Variants in ETNK1 observed in about 807,000 individuals in gnomAD.
ETNK1 encodes the protein putative protein product of Nbla10396.
A neutral mutation model predicts 45.1 loss-of-function variants in ETNK1; 8 were observed. That is an observed-to-expected ratio of 0.18 (90% CI 0.10 to 0.32). The LOEUF is 0.32. ETNK1 is among the 10% of genes least tolerant of loss of function. ETNK1 has a pLI of 1.00. For synonymous variants in ETNK1, 152 were observed against 151.9 expected (o/e 1.00, Z -0.01); for missense variants, 302 against 430.6 (o/e 0.70, Z 2.64).
At chr12:22,660,708 G>A (rs1479483379) in intron 3 of ETNK1, among the ~76,000 whole-genome samples, 2 of 151,804 alleles carry the variant, frequency 1.3e-5, no homozygotes, top group Non-Finnish European at 2.9e-5. Context: ...TTTATTAAAT[G>A]CTTTGTGTCT....
chr12:22,674,722 C>T (rs1046552236), intron 6 of ETNK1, among the ~76,000 whole-genome samples: 1 of 152,170 alleles, frequency 6.6e-6, no homozygotes, highest in African/African-American at 2.4e-5. Flanking sequence ...GTACACATAG[C>T]TCATCAATTC....
chr12:22,642,958 T>C (rs546126584), intron 1 of ETNK1, among the ~76,000 whole-genome samples: 1 of 152,132 alleles, frequency 6.6e-6, no homozygotes, highest in African/African-American at 2.4e-5. Flanking sequence ...CCGTCTGTGC[T>C]CAAATCTAAA....
Position 22,673,482 on chromosome 12 carries a change from G to T in ETNK1, c.785-18G>T. 6.5e-7 allele frequency: 1 copy of T among 1,541,648 alleles called. No homozygotes were observed. The highest frequency in any genetic ancestry group is 1.4e-5 in the African/African-American group (1 of 72,810). On this transcript the variant is annotated intron_variant, in intron 5 of 7. Transcript: ENST00000266517. ...TTATGTTTTAAAATTTTTGAGTGTA[G>T]TTTTTTTTCTTCTAAAGGTGTGAGT...
chr12:22,669,206 T>C (rs1014926852), intron 4 of ETNK1, among the ~76,000 whole-genome samples: 3 of 151,872 alleles, frequency 2.0e-5, no homozygotes, highest in African/African-American at 7.3e-5. Context: ...TAGGTATCTC[T>C]GAAATCATTG....
intron 1 of ETNK1, among the ~76,000 whole-genome samples, chr12:22,632,175 G>T (rs1953589163): frequency 6.6e-6 from 1 of 151,290 alleles, no homozygotes; most frequent in Non-Finnish European, 1.5e-5. Flanking sequence ...GAAGGTCTTT[G>T]TACAGGAAAC....
chr12:22,639,632 G>A (rs921731619), intron 1 of ETNK1, among the ~76,000 whole-genome samples: 5 of 151,742 alleles, frequency 3.3e-5, no homozygotes, highest in Admixed American at 2.6e-4. Context: ...AGCCGAGATC[G>A]TGCCACTTCA....
intron 4 of ETNK1, among the ~76,000 whole-genome samples, chr12:22,668,766 C>T (rs1954078739): frequency 6.6e-6 from 1 of 152,018 alleles, no homozygotes; most frequent in Admixed American, 6.5e-5. Context: ...TATTTATAAA[C>T]TCAACATAGC....
chr12:22,648,297 G>A (rs1391932766), intron 2 of ETNK1, among the ~76,000 whole-genome samples: 2 of 151,894 alleles, frequency 1.3e-5, no homozygotes. Context: ...AATATATAAT[G>A]CATGTATCCA....
At chr12:22,675,077 T>G (rs1954147015) in intron 6 of ETNK1, among the ~76,000 whole-genome samples, 1 of 152,198 alleles carries the variant, frequency 6.6e-6, no homozygotes, top group South Asian at 2.1e-4. Flanking sequence ...TTTACTTTTA[T>G]TTTTATTTTG....
chr12:22,668,957 A>G (rs1954080281), intron 4 of ETNK1, among the ~76,000 whole-genome samples: 1 of 152,210 alleles, frequency 6.6e-6, no homozygotes, highest in Non-Finnish European at 1.5e-5. Flanking sequence ...CAAATTCTAA[A>G]TATAATTTTG....
chr12:22,635,539 C>G (rs1211000151), intron 1 of ETNK1, among the ~76,000 whole-genome samples: 4 of 152,162 alleles, frequency 2.6e-5, no homozygotes, highest in Admixed American at 1.3e-4. Context: ...ACTTCTACTC[C>G]TGATATTAGG....
chr12:22,684,262 T>G (rs1478104910), intron 6 of ETNK1, among the ~76,000 whole-genome samples: 2 of 152,102 alleles, frequency 1.3e-5, no homozygotes, highest in East Asian at 3.8e-4. Context: ...TTCAAGTGAT[T>G]ATAATTTACC....
chr12:22,687,363 G>A lies in ETNK1; in HGVS notation c.*2409G>A, dbSNP rs907664263. On this transcript the variant is annotated 3_prime_UTR_variant, in exon 8 of 8. Coordinates refer to ENST00000266517, the MANE Select transcript of ETNK1 (RefSeq NM_018638.5). ...TGTCCTGTGGTGTGCTAAGATGTCT[G>A]TTGCCTTTTTATGTTAAGCTAAGGA... 4 of 152,200 alleles carry A rather than the reference G, an allele frequency of 2.6e-5. No homozygotes were observed. The highest frequency in any genetic ancestry group is 5.9e-5 in the Non-Finnish European group (4 of 67,754). 9.4% of individuals were successfully genotyped at this position (152,200 alleles called of 1,614,324 possible). A position where few individuals can be genotyped will look rare whatever the true frequency, so the allele number is the denominator to read the frequency against.
chr12:22,641,182 A>G (rs1426054752), intron 1 of ETNK1, among the ~76,000 whole-genome samples: 1 of 152,116 alleles, frequency 6.6e-6, no homozygotes, highest in African/African-American at 2.4e-5. Flanking sequence ...GGAGAACTAC[A>G]TTGAGAATGG....
chr12:22,656,111 A>G (rs970409932), intron 2 of ETNK1, among the ~76,000 whole-genome samples: 1 of 152,198 alleles, frequency 6.6e-6, no homozygotes, highest in Non-Finnish European at 1.5e-5. Context: ...TTGTGGCCAT[A>G]CTGTTTTATT....
At chr12:22,640,396 CTTTT>C (rs77034488) in intron 1 of ETNK1, among the ~76,000 whole-genome samples, 2 of 126,476 alleles carry the variant, frequency 1.6e-5, no homozygotes, top group African/African-American at 5.8e-5. Flanking sequence ...AATTGAAAGC[CTTTT>C]TTTTTTTTTT....
intron 6 of ETNK1, among the ~76,000 whole-genome samples, chr12:22,681,471 C>G (rs1016538760): frequency 6.6e-6 from 1 of 151,850 alleles, no homozygotes; most frequent in African/African-American, 2.4e-5. Flanking sequence ...TTTATATCAG[C>G]GTAAAATATG....
chr12:22,644,149 G>C, intron 2 of ETNK1, 127 bp downstream of exon 2: 1 of 1,503,732 alleles, frequency 6.7e-7, no homozygotes, highest in Non-Finnish European at 9.0e-7. Flanking sequence ...CTTTAGCTAG[G>C]GTTTTTGTTT....
At chr12:22,646,929 T>C (rs891697173) in intron 2 of ETNK1, among the ~76,000 whole-genome samples, 10 of 151,866 alleles carry the variant, frequency 6.6e-5, no homozygotes, top group Non-Finnish European at 1.3e-4. Context: ...TCAGAGAAAG[T>C]ACAGGTAGTT....
Sources: allele counts gnomAD v4.1 joint callset (sites outside exome capture counted in the v4.1 genomes callset), GRCh38; gene constraint gnomAD v4.1.1; transcripts MANE v1.5; gene names NCBI Gene and HGNC (gene_info 2026-07-23, HGNC 2026-07-21).